MGAT4C: variants seen among roughly 807,000 people sequenced by gnomAD.
MGAT4C encodes the protein alpha-1,3-mannosyl-glycoprotein 4-beta-N-acetylglucosaminyltransferase C.
A neutral mutation model predicts 40.1 loss-of-function variants in MGAT4C; 19 were observed. The ratio of observed to expected loss-of-function variants is 0.47; its 90% CI spans 0.33 to 0.70. The LOEUF is 0.70. Among genes scored for constraint, MGAT4C ranks in the 30% least tolerant of loss-of-function variants. The probability of loss-of-function intolerance (pLI) is 0.02; values close to 1 mark genes in which losing one functional copy is unlikely to be tolerated. For synonymous variants in MGAT4C, 181 were observed against 187.1 expected, an observed-to-expected ratio of 0.97 and a Z score of 0.27; for missense variants, 491 against 563.2, an observed-to-expected ratio of 0.87 and a Z score of 1.30.
chr12:86,823,691 T>A (rs1952746919), intron 1 of MGAT4C, among the ~76,000 whole-genome samples: 1 of 148,872 alleles, frequency 6.7e-6, no homozygotes, highest in East Asian at 2.0e-4. Flanking sequence ...AAGGAGAAAA[T>A]GAGACATAAA....
chr12:86,491,448 A>T (rs1460759532), intron 2 of MGAT4C, among the ~76,000 whole-genome samples: 9 of 152,044 alleles, frequency 5.9e-5, no homozygotes, highest in Non-Finnish European at 1.0e-4. Flanking sequence ...TTATCCACCA[A>T]GATCAAGTGG....
chr12:86,606,295 T>C (rs1047447112), intron 2 of MGAT4C, among the ~76,000 whole-genome samples: 1 of 152,152 alleles, frequency 6.6e-6, no homozygotes, highest in Non-Finnish European at 1.5e-5. Flanking sequence ...AAACTCTGAC[T>C]AAGGTTATGT....
intron 1 of MGAT4C, among the ~76,000 whole-genome samples, chr12:86,125,229 C>G (rs968862913): frequency 1.3e-5 from 2 of 152,176 alleles, no homozygotes; most frequent in African/African-American, 4.8e-5. Context: ...CACACATCAG[C>G]TATTGGAGAT....
At chr12:86,139,705 TAA>T (rs748329088) in intron 1 of MGAT4C, among the ~76,000 whole-genome samples, 2 of 152,148 alleles carry the variant, frequency 1.3e-5, no homozygotes, top group Non-Finnish European at 2.9e-5. Context: ...TATACAAATA[TAA>T]GAGTTTCTTT....
At chr12:86,007,189 C>T (rs1291260080) in intron 2 of MGAT4C, among the ~76,000 whole-genome samples, 1 of 151,946 alleles carries the variant, frequency 6.6e-6, no homozygotes, top group Non-Finnish European at 1.5e-5. Flanking sequence ...AGGATAATGT[C>T]TTTAGAATTT....
At chr12:86,550,182 C>T (rs566795076) in intron 2 of MGAT4C, among the ~76,000 whole-genome samples, 5 of 152,274 alleles carry the variant, frequency 3.3e-5, no homozygotes, top group East Asian at 3.9e-4. Context: ...CTGCCATGAT[C>T]GTAAGTTTCC....
chr12:86,132,835 A>G, intron 1 of MGAT4C, among the ~76,000 whole-genome samples: 1 of 150,574 alleles, frequency 6.6e-6, no homozygotes, highest in African/African-American at 2.4e-5. Context: ...AACTGACAGT[A>G]GGGTTAAATG....
chr12:86,738,484 T>C (rs1026266430), intron 1 of MGAT4C, among the ~76,000 whole-genome samples: 4 of 151,322 alleles, frequency 2.6e-5, no homozygotes, highest in African/African-American at 9.7e-5. Context: ...GACTGCTTTG[T>C]TCAATAATGG....
intron 1 of MGAT4C, among the ~76,000 whole-genome samples, chr12:86,233,377 C>T (rs1278698885): frequency 1.3e-5 from 2 of 152,182 alleles, no homozygotes; most frequent in African/African-American, 4.8e-5. Context: ...TATAGGCTAG[C>T]AGACACTTTG....
At chr12:86,467,007 G>C (rs189705063) in intron 2 of MGAT4C, among the ~76,000 whole-genome samples, 1 of 152,040 alleles carries the variant, frequency 6.6e-6, no homozygotes, top group Non-Finnish European at 1.5e-5. Flanking sequence ...CTCATATAAA[G>C]AAAATGAGGT....
intron 2 of MGAT4C, among the ~76,000 whole-genome samples, chr12:86,499,662 A>G (rs61950786): frequency 0.099 from 14,963 of 151,806 alleles, 993 homozygotes; most frequent in Middle Eastern, 0.25. Flanking sequence ...TTTTGCCTGG[A>G]CTGGTACAAT....
chr12:86,672,514 A>G (rs1421063595), intron 2 of MGAT4C, among the ~76,000 whole-genome samples: 1 of 152,146 alleles, frequency 6.6e-6, no homozygotes, highest in Non-Finnish European at 1.5e-5. Context: ...AGATAAACGA[A>G]ATTGACAAAC....
chr12:86,132,331 G>C (rs983862660), intron 1 of MGAT4C, among the ~76,000 whole-genome samples: 15 of 151,864 alleles, frequency 9.9e-5, no homozygotes, highest in Admixed American at 9.8e-4. Flanking sequence ...AATATAAATT[G>C]ATTCTAAAAT....
intron 2 of MGAT4C, among the ~76,000 whole-genome samples, chr12:86,556,203 T>TA (rs1249181244): frequency 2.6e-5 from 4 of 152,172 alleles, no homozygotes; most frequent in Non-Finnish European, 5.9e-5. Flanking sequence ...TAAAAATACT[T>TA]AAAGATGAGG....
chr12:85,997,603 C>T (rs1886772973), intron 2 of MGAT4C, among the ~76,000 whole-genome samples: 1 of 152,104 alleles, frequency 6.6e-6, no homozygotes, highest in Non-Finnish European at 1.5e-5. Flanking sequence ...AGAAATTGGT[C>T]AAAACAAAGG....
chr12:86,671,159 C>G (rs1964247121), intron 2 of MGAT4C, among the ~76,000 whole-genome samples: 1 of 152,118 alleles, frequency 6.6e-6, no homozygotes, highest in South Asian at 2.1e-4. Flanking sequence ...AATGAGTTTT[C>G]TGAAATAGGC....
At chr12:86,509,259 A>C (rs1958529094) in intron 2 of MGAT4C, among the ~76,000 whole-genome samples, 1 of 152,314 alleles carries the variant, frequency 6.6e-6, no homozygotes, top group Non-Finnish European at 1.5e-5. Flanking sequence ...GAAGGCATCC[A>C]GTTTCAGCTT....
intron 1 of MGAT4C, among the ~76,000 whole-genome samples, chr12:86,071,030 C>A (rs999007980): frequency 6.6e-6 from 1 of 151,946 alleles, no homozygotes; most frequent in African/African-American, 2.4e-5. Flanking sequence ...GACAGATAGT[C>A]TCAAGTTAAA....
intron 2 of MGAT4C, among the ~76,000 whole-genome samples, chr12:86,724,816 C>T (rs574730985): frequency 1.3e-4 from 20 of 152,330 alleles, no homozygotes; most frequent in African/African-American, 4.8e-4. Flanking sequence ...ATTTTCCCAA[C>T]ATTACTGCAC....
Sources: allele counts gnomAD v4.1 joint callset (sites outside exome capture counted in the v4.1 genomes callset), GRCh38; gene constraint gnomAD v4.1.1; transcripts MANE v1.5; gene names NCBI Gene and HGNC (gene_info 2026-07-23, HGNC 2026-07-21).